CNOT4: variants seen among roughly 807,000 people sequenced by gnomAD.
CNOT4 encodes CCR4-associated factor 4.
A neutral mutation model predicts 73.8 loss-of-function variants in CNOT4; 8 were observed. The observed-to-expected ratio is 0.11, with a 90% CI of 0.06 to 0.20. The LOEUF (loss-of-function observed/expected upper bound fraction) is 0.20. Among genes scored for constraint, CNOT4 ranks in the 10% least tolerant of loss-of-function variants. CNOT4 has a pLI of 1.00. For missense variants in CNOT4, 564 were observed against 883.4 expected (o/e 0.64, Z 4.58); for synonymous variants, 293 against 321.1 (o/e 0.91, Z 0.94).
chr7:135,378,631 TTGAG>T (rs1273187257), intron 10 of CNOT4, among the ~76,000 whole-genome samples: 3 of 151,544 alleles, frequency 2.0e-5, no homozygotes, highest in Non-Finnish European at 4.4e-5. Flanking sequence ...TCTCTGGTAA[TTGAG>T]TAAAAAGACT....
intron 1 of CNOT4, among the ~76,000 whole-genome samples, chr7:135,465,359 T>C (rs1388957498): frequency 2.6e-5 from 4 of 152,202 alleles, no homozygotes; most frequent in Admixed American, 6.5e-5. Context: ...CATTTTTGTA[T>C]TTATGGCAGA....
chr7:135,500,130 T>C (rs1315861843), intron 1 of CNOT4, among the ~76,000 whole-genome samples: 1 of 152,120 alleles, frequency 6.6e-6, no homozygotes, highest in Non-Finnish European at 1.5e-5. Context: ...CTATATTTTA[T>C]AATAACAATA....
At chr7:135,450,858 A>T (rs1677351018) in intron 1 of CNOT4, among the ~76,000 whole-genome samples, 1 of 152,074 alleles carries the variant, frequency 6.6e-6, no homozygotes, top group Admixed American at 6.6e-5. Flanking sequence ...CGGGAGGTCA[A>T]GGCATTAAGA....
chr7:135,414,484 C>A, intron 4 of CNOT4, 52 bp from the exon 5 acceptor site: 1 of 820,322 alleles, frequency 1.2e-6, no homozygotes, highest in South Asian at 1.5e-5. Context: ...TTAAACAATA[C>A]TAAAAAAATT....
chr7:135,438,453 TA>T, intron 1 of CNOT4, 30 bp from the exon 2 acceptor site: 4 of 702,910 alleles, frequency 5.7e-6, no homozygotes, highest in Non-Finnish European at 8.5e-6. Flanking sequence ...ATACATTGTT[TA>T]CTACTGGAAA....
Position 135,395,731 on chromosome 7 carries a change from G to A in CNOT4, c.1032C>T (p.Pro344=). 2 of 1,614,046 alleles carry A rather than the reference G, an allele frequency of 1.2e-6. No individual in the cohort carries two copies. The change falls in exon 9 of 12, where the codon CCC becomes CCT. Residue 344 remains proline, a synonymous_variant. Coordinates refer to ENST00000541284, the MANE Select transcript of CNOT4 (RefSeq NM_001190850.2). ...GAGGAAGCCCACTTGGGATAGGGTT[G>A]GGATGGCGAAAATTGTCTGAGAATA... is the stretch of plus-strand genomic sequence containing the variant. ...QSLFSDNFRH[P]NPIPSGLPPF...
chr7:135,447,950 C>A (rs1286664439), intron 1 of CNOT4, among the ~76,000 whole-genome samples: 1 of 152,096 alleles, frequency 6.6e-6, no homozygotes, highest in Non-Finnish European at 1.5e-5. Flanking sequence ...AGATAAAAAG[C>A]TGGGTGTGGT....
At chr7:135,464,912 G>A (rs1339474378) in intron 1 of CNOT4, among the ~76,000 whole-genome samples, 1 of 152,098 alleles carries the variant, frequency 6.6e-6, no homozygotes, top group African/African-American at 2.4e-5. Context: ...TAAAGATATT[G>A]CACAAATGAG....
chr7:135,495,766 T>A (rs1023999808), intron 1 of CNOT4, among the ~76,000 whole-genome samples: 23 of 119,682 alleles, frequency 1.9e-4, no homozygotes, highest in Non-Finnish European at 3.0e-4. Context: ...AAGAAAGAAA[T>A]TTAAGAACAT....
At chr7:135,491,987 G>T (rs1019971923) in intron 1 of CNOT4, among the ~76,000 whole-genome samples, 1 of 152,134 alleles carries the variant, frequency 6.6e-6, no homozygotes, top group Admixed American at 6.5e-5. Flanking sequence ...CAGCAGCAAG[G>T]TCTATTGAGT....
At position 135,362,024 on chromosome 7, in the gene CNOT4, G is replaced by C. The variant is rs896063990; in HGVS notation, c.*861C>G. ...ATGGTGATCAGATGGCCCCAGAGCA[G>C]TGCTATCTCAGAGTGCCCTCGTCAG... On this transcript the variant is annotated 3_prime_UTR_variant, in exon 12 of 12. Coordinates refer to ENST00000541284, the MANE Select transcript of CNOT4 (RefSeq NM_001190850.2). The C allele has an allele frequency of 6.5e-6, 1 of 152,746 alleles. No homozygotes were observed. Among genetic ancestry groups the C allele is most frequent in the Non-Finnish European group, 1.5e-5 (1 of 68,144 alleles). 9.5% of individuals were successfully genotyped at this position (152,746 alleles called of 1,614,324 possible).
chr7:135,441,236 C>CAA (rs34112399), intron 1 of CNOT4, among the ~76,000 whole-genome samples: 5 of 148,312 alleles, frequency 3.4e-5, no homozygotes, highest in Admixed American at 3.4e-4. Context: ...CTAAATGCTG[C>CAA]AAAAAAAAAT....
intron 1 of CNOT4, among the ~76,000 whole-genome samples, chr7:135,501,491 T>C (rs1171869232): frequency 6.6e-6 from 1 of 152,178 alleles, no homozygotes; most frequent in African/African-American, 2.4e-5. Context: ...TCCTGTAGAA[T>C]TTCCATCCTA....
Position 135,509,969 on chromosome 7 carries a change from G to A in CNOT4, c.-173C>T. 1 of 399,100 alleles carries A rather than the reference G, an allele frequency of 2.5e-6. No individual in the cohort carries two copies. Among genetic ancestry groups the A allele is most frequent in the African/African-American group, 2.1e-5 (1 of 48,742 alleles). 24.7% of individuals were successfully genotyped at this position (399,100 alleles called of 1,614,324 possible). ...ACAAGAAACCACCGAACGAGCGTCG[G>A]GGAAAAAACTCTTCAGAACCGGGCC... On this transcript the variant is annotated 5_prime_UTR_variant, in exon 1 of 12. Coordinates refer to ENST00000541284, the MANE Select transcript of CNOT4 (RefSeq NM_001190850.2).
chr7:135,487,962 C>T (rs1369780627), intron 1 of CNOT4, among the ~76,000 whole-genome samples: 1 of 151,906 alleles, frequency 6.6e-6, no homozygotes, highest in Non-Finnish European at 1.5e-5. Context: ...GAGGCTGAGG[C>T]AGGAGAATGG....
chr7:135,471,754 G>T (rs58114692), intron 1 of CNOT4, among the ~76,000 whole-genome samples: 24 of 152,270 alleles, frequency 1.6e-4, no homozygotes, highest in African/African-American at 5.1e-4. Flanking sequence ...TATTCCATAA[G>T]TGTCTTACGT....
At chr7:135,448,735 G>A (rs1332470272) in intron 1 of CNOT4, among the ~76,000 whole-genome samples, 1 of 152,046 alleles carries the variant, frequency 6.6e-6, no homozygotes, top group African/African-American at 2.4e-5. Flanking sequence ...CAGTATCTCA[G>A]CAAATGGACA....
rs1209216129 is a variant in CNOT4, at chr7:135,362,264, T to TTAC, written c.*618_*620dup. The TTAC allele has an allele frequency of 6.5e-6, 1 of 155,016 alleles. No individual in the cohort carries two copies. The highest frequency in any genetic ancestry group is 6.3e-5 in the Admixed American group (1 of 15,806). The allele number at this position is 155,016 out of a possible 1,614,324, so 9.6% of individuals were successfully genotyped here. ...TATGAACTCTTTAGCAATCGGCCAGTTACTACTACAGATGAATTTGTCTTT... is the reference window on the plus strand; with the variant it reads ...TATGAACTCTTTAGCAATCGGCCAGTTACTACTACTACAGATGAATTTGTCTTT... On this transcript the variant is annotated 3_prime_UTR_variant, in exon 12 of 12. Transcript: ENST00000541284.
chr7:135,436,745 T>C (rs1044142671), intron 2 of CNOT4, among the ~76,000 whole-genome samples: 1 of 151,766 alleles, frequency 6.6e-6, no homozygotes, highest in African/African-American at 2.4e-5. Flanking sequence ...ATTCATATAA[T>C]ATATATACAT....
Sources: gnomAD v4.1 joint callset for allele counts (sites outside exome capture counted in the v4.1 genomes callset) on GRCh38, gnomAD v4.1.1 for gene constraint, MANE v1.5 for transcripts, NCBI Gene and HGNC (gene_info 2026-07-23, HGNC 2026-07-21) for gene names.